Variants in SHTN1 observed in about 807,000 individuals in gnomAD.
SHTN1 encodes shootin 1.
In SHTN1, 42 loss-of-function variants were observed where a neutral mutation model predicts 83.1. The ratio of observed to expected loss-of-function variants is 0.51; its 90% confidence interval spans 0.39 to 0.65. The LOEUF is 0.65. SHTN1 is among the 30% of genes least tolerant of loss of function. SHTN1 has a pLI of 0.00. For missense variants in SHTN1, 622 were observed against 737.8 expected (o/e 0.84, Z 1.82); for synonymous variants, 224 against 247.7 (o/e 0.90, Z 0.90).
intron 2 of SHTN1, among the ~76,000 whole-genome samples, chr10:116,972,919 A>C (rs572336442): frequency 6.6e-6 from 1 of 152,330 alleles, no homozygotes; most frequent in African/African-American, 2.4e-5. Context: ...TAATATTAGA[A>C]GCCCTGGCTA....
Position 117,015,659 on chromosome 10 carries a change from G to A in SHTN1, c.-123+32786C>T, listed in dbSNP as rs576128555. On this transcript the variant is annotated intron_variant, in intron 2 of 17. Transcript: ENST00000392901. ...AGTAATGTTTGAAACCACAAATCCA[G>A]CCACTATCTACACTAAATGGAACCA... Among the ~76,000 whole-genome samples the A allele has an allele frequency of 5.3e-5, 8 of 151,822 alleles. No homozygotes were observed. The East Asian group carries it at 1.4e-3, about 26-fold the overall frequency.
intron 1 of SHTN1, among the ~76,000 whole-genome samples, chr10:116,999,862 G>A (rs946627850): frequency 7.2e-5 from 11 of 152,128 alleles, no homozygotes; most frequent in African/African-American, 2.4e-4. Flanking sequence ...GCAGTGAGCC[G>A]AGACCACGCC....
At chr10:117,020,516 C>T (rs533281121) in intron 2 of SHTN1, among the ~76,000 whole-genome samples, 23 of 150,228 alleles carry the variant, frequency 1.5e-4, no homozygotes, top group African/African-American at 5.4e-4. Context: ...AAAAAAAAAC[C>T]CACACTTATA....
chr10:116,960,447 C>A (rs1850146051), intron 3 of SHTN1: 3 of 414,152 alleles, frequency 7.2e-6, no homozygotes, highest in Non-Finnish European at 1.3e-5. Flanking sequence ...ACATTCATTT[C>A]ACATACATAC....
chr10:116,921,540 A>G (rs762355460), intron 11 of SHTN1, 24 bp from the exon 12 acceptor site: 3 of 1,563,196 alleles, frequency 1.9e-6, no homozygotes, highest in Non-Finnish European at 1.8e-6. Flanking sequence ...AAAAAGATCA[A>G]CAGGAGATTA....
chr10:117,060,641 C>G (rs955642827), intron 1 of SHTN1, among the ~76,000 whole-genome samples: 1 of 152,126 alleles, frequency 6.6e-6, no homozygotes. Context: ...ACCAAGAAAA[C>G]AAACCAGAAG....
intron 12 of SHTN1, among the ~76,000 whole-genome samples, chr10:116,916,815 A>G (rs1385053685): frequency 6.6e-6 from 1 of 152,238 alleles, no homozygotes; most frequent in Admixed American, 6.5e-5. Context: ...TATTCACTGT[A>G]TAACCTAGGT....
At chr10:117,036,788 T>C (rs1852504136) in intron 2 of SHTN1, among the ~76,000 whole-genome samples, 1 of 152,208 alleles carries the variant, frequency 6.6e-6, no homozygotes, top group South Asian at 2.1e-4. Flanking sequence ...TATAATAGAA[T>C]TGTTTGTAAC....
chr10:117,097,890 TG>T (rs1312494077), intron 1 of SHTN1, among the ~76,000 whole-genome samples: 14 of 152,186 alleles, frequency 9.2e-5, no homozygotes, highest in Middle Eastern at 3.4e-3. Context: ...TATCAAAGGT[TG>T]TTTTTTTTTT....
At chr10:116,962,125 C>T (rs867159128) in intron 3 of SHTN1, among the ~76,000 whole-genome samples, 1 of 141,918 alleles carries the variant, frequency 7.0e-6, no homozygotes, top group South Asian at 2.2e-4. Flanking sequence ...TATGAAATCA[C>T]GCAATAGGTC....
At chr10:117,049,796 A>G (rs893327210) in intron 1 of SHTN1, among the ~76,000 whole-genome samples, 4 of 152,224 alleles carry the variant, frequency 2.6e-5, no homozygotes, top group East Asian at 1.9e-4. Context: ...CCATGATGCA[A>G]TAAGTATCTT....
chr10:116,898,440 C>T (rs568693221), intron 16 of SHTN1, among the ~76,000 whole-genome samples: 1 of 152,128 alleles, frequency 6.6e-6, no homozygotes, highest in East Asian at 1.9e-4. Flanking sequence ...CAGATTTAAT[C>T]TTAATCAACA....
intron 12 of SHTN1, among the ~76,000 whole-genome samples, chr10:116,921,216 C>T (rs973099881): frequency 5.9e-5 from 9 of 152,072 alleles, no homozygotes; most frequent in Non-Finnish European, 1.3e-4. Flanking sequence ...AATATATTTG[C>T]CAGTATGTCT....
chr10:117,058,961 G>A lies in SHTN1; in HGVS notation c.-188-10451C>T, dbSNP rs12573049. ...TATTCATAAAGACAAAGTAGAATGT[G>A]GTTGCCAGGGGATGAAAGGAGGAGG... On this transcript the variant is annotated intron_variant, in intron 1 of 17. Transcript: ENST00000392901. Among the ~76,000 whole-genome samples the A allele has an allele frequency of 5.2e-3, 793 of 152,222 alleles. 32 individuals are homozygous for A. Among genetic ancestry groups the A allele is most frequent in the Admixed American group, 0.046 (703 of 15,284 alleles).
At chr10:116,946,195 A>AAT (rs1033762302) in intron 7 of SHTN1, among the ~76,000 whole-genome samples, 1 of 148,222 alleles carries the variant, frequency 6.7e-6, no homozygotes, top group East Asian at 1.9e-4. Flanking sequence ...TATATATATA[A>AAT]ATATATATAT....
chr10:116,974,054 GTTC>G (rs1202603601), intron 2 of SHTN1: 8 of 1,063,524 alleles, frequency 7.5e-6, no homozygotes, highest in East Asian at 1.4e-4. Context: ...CTCTTTTGGT[GTTC>G]TTCTTTCTTC....
At chr10:117,006,660 T>A (rs906537376), upstream of SHTN1, among the ~76,000 whole-genome samples, 18 of 152,064 alleles carry the variant, frequency 1.2e-4, no homozygotes, top group Non-Finnish European at 1.9e-4. Context: ...CACTGATCAT[T>A]AAGCATGGGA....
chr10:116,902,738 G>T (rs1434440970), intron 15 of SHTN1, among the ~76,000 whole-genome samples: 2 of 152,170 alleles, frequency 1.3e-5, no homozygotes, highest in Non-Finnish European at 2.9e-5. Context: ...TTAAAACAAA[G>T]ATAAGTCACA....
At chr10:116,911,365 C>A in intron 14 of SHTN1, 3 of 1,191,624 alleles carry the variant, frequency 2.5e-6, no homozygotes, top group South Asian at 1.7e-5. Context: ...AGACTGTGAC[C>A]CTGATATGAA....
Sources: allele counts gnomAD v4.1 joint callset (sites outside exome capture counted in the v4.1 genomes callset), GRCh38; gene constraint gnomAD v4.1.1; transcripts MANE v1.5; gene names NCBI Gene and HGNC (gene_info 2026-07-23, HGNC 2026-07-21).